Variants in B3GLCT observed in about 807,000 individuals in gnomAD.
B3GLCT encodes beta 3-glucosyltransferase, also known as beta-1,3-glucosyltransferase.
A neutral mutation model predicts 63.4 loss-of-function variants in B3GLCT; 65 were observed. That is an observed-to-expected ratio of 1.03 (90% CI 0.84 to 1.26). The LOEUF (loss-of-function observed/expected upper bound fraction) is 1.26. Ranked by LOEUF, B3GLCT falls within the 50% of genes most tolerant of loss-of-function variation. The probability of loss-of-function intolerance (pLI) is 0.00; values close to 1 mark genes in which losing one functional copy is unlikely to be tolerated. For synonymous variants in B3GLCT, 233 were observed against 219.2 expected, an observed-to-expected ratio of 1.06 and a Z score of -0.55; for missense variants, 577 against 604.8, an observed-to-expected ratio of 0.95 and a Z score of 0.48.
intron 12 of B3GLCT, among the ~76,000 whole-genome samples, chr13:31,298,723 G>T (rs1874078890): frequency 6.6e-6 from 1 of 152,142 alleles, no homozygotes; most frequent in Non-Finnish European, 1.5e-5. Context: ...AGTCTAGCAG[G>T]TACCTTCTCC....
intron 10 of B3GLCT, among the ~76,000 whole-genome samples, chr13:31,282,231 A>C (rs1358246165): frequency 1.3e-5 from 2 of 152,244 alleles, no homozygotes; most frequent in African/African-American, 4.8e-5. Flanking sequence ...AATTTAAATG[A>C]TGCTAATAAA....
chr13:31,210,199 C>G (rs1002784961), intron 1 of B3GLCT, among the ~76,000 whole-genome samples: 2 of 152,150 alleles, frequency 1.3e-5, no homozygotes, highest in Non-Finnish European at 2.9e-5. Flanking sequence ...ATTGCCTGCC[C>G]TGATTTGCAC....
rs1374007459 is a variant in B3GLCT at position 31,284,728 on chromosome 13, A to G, written c.931A>G (p.Thr311Ala). ...TGACTATACTGAAAATTCCATTCCT[A>G]CTGTGGATTTGGGAATTCCTAATAC... ...YSDYTENSIP[T>A]VDLGIPNTDR... Residue 311 changes from threonine (T) to alanine (A), a missense_variant, in exon 11 of 15, where the codon ACT becomes GCT. Thr to Ala is a moderately conservative substitution (Grantham distance 58). Transcript: ENST00000343307. 1.2e-6 allele frequency: 2 copies of G among 1,605,732 alleles called. No homozygotes were observed. The highest frequency in any genetic ancestry group is 3.3e-5 in the Admixed American group (2 of 59,986).
intron 1 of B3GLCT, among the ~76,000 whole-genome samples, chr13:31,209,718 A>G (rs1337314088): frequency 3.3e-5 from 5 of 151,850 alleles, no homozygotes; most frequent in Admixed American, 2.6e-4. Flanking sequence ...GGCCACAGCT[A>G]TTGGCTGAGC....
intron 4 of B3GLCT, among the ~76,000 whole-genome samples, chr13:31,240,492 A>G (rs962064282): frequency 3.2e-4 from 21 of 65,084 alleles, no homozygotes; most frequent in Non-Finnish European, 2.8e-4. Flanking sequence ...TTTTTTTTTT[A>G]TATTAAAAAC....
chr13:31,209,177 A>G (rs1424577202), intron 1 of B3GLCT, among the ~76,000 whole-genome samples: 2 of 152,238 alleles, frequency 1.3e-5, no homozygotes, highest in African/African-American at 4.8e-5. Flanking sequence ...GCTGCTACCC[A>G]GCTTGTCTGC....
At chr13:31,206,993 T>C (rs1868990960) in intron 1 of B3GLCT, among the ~76,000 whole-genome samples, 1 of 152,178 alleles carries the variant, frequency 6.6e-6, no homozygotes, top group African/African-American at 2.4e-5. Flanking sequence ...AGCCGTGAGT[T>C]GTTAAAGCAA....
At chr13:31,288,511 C>T (rs1873467588) in intron 12 of B3GLCT, among the ~76,000 whole-genome samples, 1 of 152,184 alleles carries the variant, frequency 6.6e-6, no homozygotes, top group Non-Finnish European at 1.5e-5. Context: ...CAGGCATATT[C>T]ACCCTTCTGC....
chr13:31,205,063 T>G (rs1250695734), intron 1 of B3GLCT, among the ~76,000 whole-genome samples: 2 of 152,092 alleles, frequency 1.3e-5, no homozygotes, highest in African/African-American at 4.8e-5. Context: ...ACTTTTAATT[T>G]TAGGGGGAGG....
chr13:31,322,863 C>T (rs764870927), intron 13 of B3GLCT, among the ~76,000 whole-genome samples: 3 of 152,134 alleles, frequency 2.0e-5, no homozygotes, highest in South Asian at 2.1e-4. Context: ...TTGAGCCCAA[C>T]GTGGCCGATT....
At chr13:31,298,721 A>G (rs1271469494) in intron 12 of B3GLCT, among the ~76,000 whole-genome samples, 2 of 152,198 alleles carry the variant, frequency 1.3e-5, no homozygotes, top group African/African-American at 2.4e-5. Flanking sequence ...CTAGTCTAGC[A>G]GGTACCTTCT....
intron 12 of B3GLCT, among the ~76,000 whole-genome samples, chr13:31,308,129 C>A (rs1284020362): frequency 1.7e-4 from 5 of 30,086 alleles, no homozygotes; most frequent in African/African-American, 4.7e-4. Flanking sequence ...GGGAATTGAA[C>A]AATGAGATCA....
At position 31,265,458 on chromosome 13, in the gene B3GLCT, A is replaced by C. The variant is rs537510582; in HGVS notation, c.597-3756A>C. Among the ~76,000 whole-genome samples, 3 of 152,206 alleles carry C rather than the reference A, an allele frequency of 2.0e-5. No homozygotes were observed. In the South Asian group the frequency reaches 6.2e-4, roughly 31 times the overall value. ...CGGCCCACATTGTAGGTAGCGTAAC[A>C]ACTTACAGTTACTTAGGTGTTTCTT... On this transcript the variant is annotated intron_variant, in intron 7 of 14. Transcript: ENST00000343307.
chr13:31,313,625 G>A (rs1874836299), intron 12 of B3GLCT, among the ~76,000 whole-genome samples: 1 of 152,154 alleles, frequency 6.6e-6, no homozygotes, highest in African/African-American at 2.4e-5. Flanking sequence ...GTTTTACAAG[G>A]GAAGCAGAGC....
chr13:31,262,087 A>T (rs1403300588), intron 7 of B3GLCT, among the ~76,000 whole-genome samples: 1 of 152,168 alleles, frequency 6.6e-6, no homozygotes, highest in Admixed American at 6.5e-5. Context: ...GACCATTTGA[A>T]TTGAGACTCG....
intron 10 of B3GLCT, 61 bp downstream of exon 10, chr13:31,276,832 G>A: frequency 3.3e-6 from 4 of 1,213,126 alleles, no homozygotes; most frequent in Non-Finnish European, 3.7e-6. Flanking sequence ...CTAAAGAAAA[G>A]TACCAATGAA....
intron 1 of B3GLCT, among the ~76,000 whole-genome samples, chr13:31,206,094 G>A (rs920573455): frequency 6.6e-6 from 1 of 152,180 alleles, no homozygotes; most frequent in African/African-American, 2.4e-5. Flanking sequence ...GGGATATGGA[G>A]GAGCTTGTTT....
chr13:31,329,249 C>A (rs1875791239), intron 14 of B3GLCT, among the ~76,000 whole-genome samples: 1 of 152,060 alleles, frequency 6.6e-6, no homozygotes, highest in Admixed American at 6.6e-5. Flanking sequence ...TAGGAATCTC[C>A]CAGAGGCAAG....
At chr13:31,316,823 T>G (rs1208020351) in intron 12 of B3GLCT, among the ~76,000 whole-genome samples, 2 of 152,206 alleles carry the variant, frequency 1.3e-5, no homozygotes, top group Non-Finnish European at 2.9e-5. Flanking sequence ...AAACAGCAGC[T>G]GCAGTTGCAG....
Sources: gnomAD v4.1 joint callset for allele counts (sites outside exome capture counted in the v4.1 genomes callset) on GRCh38, gnomAD v4.1.1 for gene constraint, MANE v1.5 for transcripts, NCBI Gene and HGNC (gene_info 2026-07-23, HGNC 2026-07-21) for gene names.